Variants in HSH2D observed in about 807,000 individuals in gnomAD.
HSH2D encodes hematopoietic SH2 domain-containing protein.
A neutral mutation model predicts 21.5 loss-of-function variants in HSH2D; 16 were observed. That is an observed-to-expected ratio of 0.74 (90% confidence interval 0.50 to 1.13). The LOEUF (loss-of-function observed/expected upper bound fraction) is 1.13, where lower values mean the gene tolerates loss of function less well. HSH2D is among the 50% of genes most tolerant of loss of function. The pLI is 0.00. For synonymous variants in HSH2D, 172 were observed against 184.7 expected (o/e 0.93, Z 0.56); for missense variants, 418 against 441.4 (o/e 0.95, Z 0.47).
Position 16,152,637 on chromosome 19 carries a change from T to C in HSH2D, c.211T>C (p.Tyr71His). The part of the protein sequence containing the change: ...SHSHVGYTLS[Y>H]KAQSSCCHFM... ...CAGCCATGTGGGCTACACACTCTCCTACAAGTAAGGCCTGGGCCGGGATCC... is the reference window on the plus strand; with the variant it reads ...CAGCCATGTGGGCTACACACTCTCCCACAAGTAAGGCCTGGGCCGGGATCC... Residue 71 changes from tyrosine to histidine, a missense_variant, in exon 3 of 6, where the codon TAC (tyrosine) becomes CAC (histidine). Physicochemically the swap from Tyr to His is moderately conservative, Grantham distance 83. Coordinates refer to ENST00000613986, the MANE Select transcript of HSH2D (RefSeq NM_001382417.1). The C allele has an allele frequency of 1.3e-6, 2 of 1,540,514 alleles. No individual in the cohort carries two copies. The highest frequency in any genetic ancestry group is 1.7e-6 in the Non-Finnish European group (2 of 1,145,702).
chr19:16,142,566 C>T (rs1341886549), upstream of HSH2D, among the ~76,000 whole-genome samples: 4 of 152,116 alleles, frequency 2.6e-5, no homozygotes, highest in Admixed American at 1.3e-4. Context: ...CGGGTTCAAG[C>T]GATTCTCCTG....
chr19:16,142,434 G>GT (rs796266937), upstream of HSH2D, among the ~76,000 whole-genome samples: 126 of 152,026 alleles, frequency 8.3e-4, 2 homozygotes, highest in African/African-American at 2.9e-3. Flanking sequence ...GGGGTTTTTT[G>GT]TTTTTTTGTT....
intron 1 of HSH2D, among the ~76,000 whole-genome samples, chr19:16,145,139 G>A (rs997129210): frequency 6.7e-6 from 1 of 148,526 alleles, no homozygotes; most frequent in Admixed American, 6.8e-5. Flanking sequence ...CCCGAGTTCA[G>A]ATGATTCTCC....
chr19:16,150,059 A>G (rs1375114910), intron 2 of HSH2D, among the ~76,000 whole-genome samples: 3 of 152,230 alleles, frequency 2.0e-5, no homozygotes, highest in Non-Finnish European at 2.9e-5. Context: ...GCCTTGCTGA[A>G]TAACAGAAAT....
intron 1 of HSH2D, among the ~76,000 whole-genome samples, chr19:16,135,805 C>T (rs1050720140): frequency 1.8e-4 from 27 of 152,166 alleles, no homozygotes; most frequent in African/African-American, 5.8e-4. Context: ...TACCTGTTTT[C>T]ATTGCCAACC....
At chr19:16,144,369 T>C (rs1312872969) in intron 1 of HSH2D, among the ~76,000 whole-genome samples, 6 of 151,624 alleles carry the variant, frequency 4.0e-5, no homozygotes. Context: ...TGGGGGGAGA[T>C]GCAGGAAAGC....
rs1024747624 is a variant in HSH2D, at chr19:16,154,295, G to C, written c.382-104G>C. The stretch of plus-strand genomic sequence containing the variant: ...TTAGTGGGCGTGGCCTAGGTACTAA[G>C]AAACTGCTATTCAAGGGATGGTCCC... On this transcript the variant is annotated intron_variant, in intron 4 of 5. Coordinates refer to ENST00000613986, the MANE Select transcript of HSH2D (RefSeq NM_001382417.1). 8.7e-6 allele frequency: 6 copies of C among 689,480 alleles called. No individual in the cohort carries two copies. The African/African-American group carries it at 1.1e-4, about 13-fold the overall frequency. The allele number at this position is 689,480 out of a possible 1,614,324, so 42.7% of individuals were successfully genotyped here.
intron 5 of HSH2D, among the ~76,000 whole-genome samples, chr19:16,155,381 A>AG (rs1237521702): frequency 4.6e-5 from 7 of 152,104 alleles, no homozygotes; most frequent in Admixed American, 4.6e-4. Context: ...CAGGGAGGAC[A>AG]TTCCAGGCAG....
chr19:16,147,755 C>T (rs779705267), intron 1 of HSH2D, among the ~76,000 whole-genome samples: 8 of 151,498 alleles, frequency 5.3e-5, no homozygotes, highest in African/African-American at 1.2e-4. Context: ...AAGTGATTCT[C>T]GTGCCTCAGC....
intron 1 of HSH2D, among the ~76,000 whole-genome samples, chr19:16,144,928 G>A (rs780681434): frequency 1.1e-4 from 17 of 151,180 alleles, no homozygotes; most frequent in African/African-American, 3.6e-4. Context: ...TCCTGACCTC[G>A]TGATCTGCCT....
chr19:16,138,602 C>T (rs1434764104), intron 1 of HSH2D, among the ~76,000 whole-genome samples: 4 of 151,802 alleles, frequency 2.6e-5, no homozygotes, highest in Non-Finnish European at 5.9e-5. Flanking sequence ...GGACTACAGG[C>T]GTGCGCCACC....
intron 4 of HSH2D, among the ~76,000 whole-genome samples, chr19:16,153,954 T>C (rs1442378425): frequency 2.1e-5 from 3 of 143,634 alleles, no homozygotes; most frequent in Non-Finnish European, 4.5e-5. Flanking sequence ...TCTTTCCTTA[T>C]AGGGCTTGGT....
intron 5 of HSH2D, among the ~76,000 whole-genome samples, chr19:16,156,527 G>A: frequency 6.6e-6 from 1 of 152,118 alleles, no homozygotes; most frequent in East Asian, 1.9e-4. Flanking sequence ...GTGAAAATCA[G>A]ATAAAATTCA....
chr19:16,153,113 A>C lies in HSH2D; in HGVS notation c.286A>C (p.Lys96Gln), dbSNP rs750678673. The C allele has an allele frequency of 6.2e-7, 1 of 1,607,076 alleles. No individual in the cohort carries two copies. Among genetic ancestry groups the C allele is most frequent in the South Asian group, 1.1e-5 (1 of 89,752 alleles). Residue 96 changes from lysine (K) to glutamine (Q), a missense_variant, in exon 4 of 6, where the codon AAG becomes CAG. Transcript: ENST00000613986. ...DDGTFMIPGE[K>Q]VAHTSLDALV... ...TGGGACTTTCATGATCCCCGGGGAG[A>C]AGGTGGCCCACACCTCGCTGGACGC...
At chr19:16,153,261 C>T in intron 4 of HSH2D, 53 bp downstream of exon 4, 4 of 1,434,548 alleles carry the variant, frequency 2.8e-6, no homozygotes, top group Non-Finnish European at 3.7e-6. Context: ...GCCAAGCCCC[C>T]CAGACCCCTT....
At chr19:16,142,512 G>T (rs2091009604), upstream of HSH2D, among the ~76,000 whole-genome samples, 1 of 152,118 alleles carries the variant, frequency 6.6e-6, no homozygotes, top group African/African-American at 2.4e-5. Context: ...TGCCCAGGCT[G>T]GAGTGCAGTG....
intron 2 of HSH2D, among the ~76,000 whole-genome samples, chr19:16,150,373 C>G (rs2011979231): frequency 6.6e-6 from 1 of 152,096 alleles, no homozygotes; most frequent in African/African-American, 2.4e-5. Context: ...AACCTTGTGT[C>G]TACTGAAAAT....
At chr19:16,142,325 T>G (rs1052758032), upstream of HSH2D, among the ~76,000 whole-genome samples, 2 of 152,194 alleles carry the variant, frequency 1.3e-5, no homozygotes, top group Admixed American at 6.5e-5. Flanking sequence ...CTTCTCACCC[T>G]CAAATGCCCC....
intron 4 of HSH2D, 127 bp downstream of exon 4, chr19:16,153,335 G>C (rs1009533714): frequency 1.1e-6 from 1 of 926,256 alleles, no homozygotes; most frequent in Non-Finnish European, 1.6e-6. Context: ...GGCCCCTCCG[G>C]CCCCACCCCA....
Sources: allele counts gnomAD v4.1 joint callset (sites outside exome capture counted in the v4.1 genomes callset), GRCh38; gene constraint gnomAD v4.1.1; transcripts MANE v1.5; gene names NCBI Gene and HGNC (gene_info 2026-07-23, HGNC 2026-07-21).